The following TNNI3K variants were observed in gnomAD, a reference collection of about 807,000 sequenced individuals.
The protein encoded by TNNI3K is TNNI3 interacting kinase.
In TNNI3K, 140 loss-of-function variants were observed where a neutral mutation model predicts 114.5. The ratio of observed to expected loss-of-function variants is 1.22; its 90% CI spans 1.07 to 1.41. The LOEUF is 1.41. Ranked by LOEUF, TNNI3K falls within the 40% of genes most tolerant of loss-of-function variation. The pLI, the probability that TNNI3K is intolerant of heterozygous loss-of-function variation, is 0.00. For missense variants in TNNI3K, 1,125 were observed against 1,007.6 expected (o/e 1.12, Z -1.58); for synonymous variants, 347 against 347.5 (o/e 1.00, Z 0.02).
rs188155355 is a variant in TNNI3K at position 74,251,820 on chromosome 1, G to A, written c.333+1051G>A. On this transcript the variant is annotated intron_variant, in intron 4 of 24. Coordinates refer to ENST00000326637, the MANE Select transcript of TNNI3K (RefSeq NM_015978.3). ...ATCACAAATTCCTGTAATTCATAGC[G>A]CAAATACTCTAAAGTTTCATCTCTT... is the stretch of plus-strand genomic sequence containing the variant. 2.0e-3 allele frequency among the ~76,000 whole-genome samples: 308 copies of A among 152,208 alleles called. 3 individuals are homozygous for A. The highest frequency in any genetic ancestry group is 2.1e-3 in the East Asian group (11 of 5,172).
chr1:74,298,740 G>A (rs1302645656), intron 5 of TNNI3K, among the ~76,000 whole-genome samples: 2 of 152,046 alleles, frequency 1.3e-5, no homozygotes, highest in East Asian at 1.9e-4. Context: ...GTTGCATCAC[G>A]GAATAATATT....
intron 17 of TNNI3K, among the ~76,000 whole-genome samples, chr1:74,380,698 C>T (rs1195205947): frequency 6.6e-6 from 1 of 152,240 alleles, no homozygotes; most frequent in East Asian, 1.9e-4. Flanking sequence ...TGTTTGGCTT[C>T]GTTTCTTCTC....
At chr1:74,378,225 C>T in intron 17 of TNNI3K, among the ~76,000 whole-genome samples, 1 of 151,984 alleles carries the variant, frequency 6.6e-6, no homozygotes, top group East Asian at 2.0e-4. Flanking sequence ...AAAAAGCAAT[C>T]AACTGCAATC....
At chr1:74,334,096 T>C (rs1340791680) in intron 6 of TNNI3K, among the ~76,000 whole-genome samples, 1 of 152,198 alleles carries the variant, frequency 6.6e-6, no homozygotes, top group Non-Finnish European at 1.5e-5. Flanking sequence ...TATTTAATCC[T>C]CACAACAACT....
intron 23 of TNNI3K, among the ~76,000 whole-genome samples, chr1:74,525,512 G>A (rs1453404508): frequency 6.6e-6 from 1 of 152,124 alleles, no homozygotes; most frequent in Non-Finnish European, 1.5e-5. Flanking sequence ...TGAGAGATGA[G>A]GCTGAAGAAA....
intron 17 of TNNI3K, among the ~76,000 whole-genome samples, chr1:74,409,593 A>T (rs1335650988): frequency 6.8e-6 from 1 of 147,930 alleles, no homozygotes; most frequent in African/African-American, 2.5e-5. Context: ...TCCTGGGTTC[A>T]AGTGATTCTC....
chr1:74,374,098 A>G (rs1348318484), intron 17 of TNNI3K: 2 of 151,934 alleles, frequency 1.3e-5, no homozygotes, highest in African/African-American at 4.8e-5. Flanking sequence ...TATATTGTCT[A>G]GGGAATAATG....
chr1:74,252,395 T>G (rs1357780052), intron 4 of TNNI3K, among the ~76,000 whole-genome samples: 2 of 152,122 alleles, frequency 1.3e-5, no homozygotes, highest in Non-Finnish European at 2.9e-5. Context: ...CATAAGAAAA[T>G]GCATAGTTAT....
At chr1:74,270,731 T>A (rs748642445) in intron 4 of TNNI3K, among the ~76,000 whole-genome samples, 2 of 151,730 alleles carry the variant, frequency 1.3e-5, no homozygotes, top group African/African-American at 4.8e-5. Context: ...TGCTACTTGG[T>A]GTGTTGATAG....
chr1:74,370,571 G>T (rs1438986128), intron 17 of TNNI3K, 179 bp downstream of exon 17: 6 of 416,538 alleles, frequency 1.4e-5, no homozygotes, highest in Non-Finnish European at 2.5e-5. Flanking sequence ...GGAGTAGAAA[G>T]CTGTATAACT....
intron 11 of TNNI3K, among the ~76,000 whole-genome samples, chr1:74,362,887 G>A (rs1662044896): frequency 1.3e-5 from 2 of 152,072 alleles, no homozygotes. Flanking sequence ...ATTTCAAGCT[G>A]GGAGAAGAAT....
Position 74,498,745 on chromosome 1 carries a change from C to T in TNNI3K, c.2351+6479C>T, listed in dbSNP as rs113951118. ...CCAGTCTTCCCCCCGACTATTAGCA[C>T]ACTAAATGTCAATATATTTCTTTTT... On this transcript the variant is annotated intron_variant, in intron 23 of 24. Transcript: ENST00000326637. 3.4e-3 allele frequency among the ~76,000 whole-genome samples: 516 copies of T among 152,150 alleles called. 5 individuals carry two copies. The highest frequency in any genetic ancestry group is 0.012 in the African/African-American group (495 of 41,494).
chr1:74,527,603 A>T (rs1440803862), intron 23 of TNNI3K, among the ~76,000 whole-genome samples: 1 of 152,170 alleles, frequency 6.6e-6, no homozygotes, highest in Non-Finnish European at 1.5e-5. Context: ...GAAGTTCCAG[A>T]AGGAGGTAGA....
At chr1:74,387,010 A>C (rs1321199911) in intron 17 of TNNI3K, among the ~76,000 whole-genome samples, 4 of 152,146 alleles carry the variant, frequency 2.6e-5, no homozygotes, top group Non-Finnish European at 2.9e-5. Flanking sequence ...TAAATGTTAA[A>C]ATTTCTATAG....
chr1:74,323,951 C>G (rs762911181), intron 5 of TNNI3K, among the ~76,000 whole-genome samples: 1 of 152,036 alleles, frequency 6.6e-6, no homozygotes, highest in Non-Finnish European at 1.5e-5. Context: ...AAAGAAAACT[C>G]GAAAATTGTG....
intron 10 of TNNI3K, 84 bp from the exon 11 acceptor site, chr1:74,353,896 T>A: frequency 6.7e-7 from 1 of 1,489,238 alleles, no homozygotes; most frequent in Non-Finnish European, 9.0e-7. Context: ...ATAATGCTAT[T>A]ATGTGGTGAT....
intron 20 of TNNI3K, among the ~76,000 whole-genome samples, chr1:74,451,598 TTTC>T (rs1262548601): frequency 1.3e-5 from 2 of 151,358 alleles, no homozygotes; most frequent in Non-Finnish European, 2.9e-5. Context: ...CCTTCCTTCC[TTTC>T]TTTTCTTTCT....
At chr1:74,392,233 G>T (rs1663825580) in intron 17 of TNNI3K, among the ~76,000 whole-genome samples, 1 of 152,128 alleles carries the variant, frequency 6.6e-6, no homozygotes. Context: ...TGAAGGATGG[G>T]AGCTACTAGA....
intron 23 of TNNI3K, among the ~76,000 whole-genome samples, chr1:74,517,864 G>C (rs1207583530): frequency 6.6e-6 from 1 of 152,134 alleles, no homozygotes; most frequent in Non-Finnish European, 1.5e-5. Context: ...TGATTCAGCA[G>C]GTCTGATGTA....
Sources: gnomAD v4.1 joint callset for allele counts (sites outside exome capture counted in the v4.1 genomes callset) on GRCh38, gnomAD v4.1.1 for gene constraint, MANE v1.5 for transcripts, NCBI Gene and HGNC (gene_info 2026-07-23, HGNC 2026-07-21) for gene names.